NID1: variants seen among roughly 807,000 people sequenced by gnomAD.
NID1 encodes nidogen-1.
In NID1, 76 loss-of-function variants were observed where a neutral mutation model predicts 130.6. The observed-to-expected ratio is 0.58, with a 90% CI of 0.48 to 0.70. NID1 has a LOEUF of 0.70. Ranked by LOEUF, NID1 falls within the 30% of genes least tolerant of loss-of-function variation. The probability of loss-of-function intolerance (pLI) is 0.00; values close to 1 mark genes in which losing one functional copy is unlikely to be tolerated. For missense variants in NID1, 1,517 were observed against 1,664.8 expected, an observed-to-expected ratio of 0.91 and a Z score of 1.54; for synonymous variants, 665 against 675.1, an observed-to-expected ratio of 0.98 and a Z score of 0.23.
intron 12 of NID1, 54 bp downstream of exon 12, chr1:236,011,867 T>C: frequency 6.2e-7 from 1 of 1,603,912 alleles, no homozygotes; most frequent in Non-Finnish European, 8.5e-7. Flanking sequence ...CCATGTGCTC[T>C]GCATTCATGG....
At chr1:236,017,995 C>T (rs1276208076) in intron 9 of NID1, among the ~76,000 whole-genome samples, 2 of 152,158 alleles carry the variant, frequency 1.3e-5, no homozygotes, top group Non-Finnish European at 2.9e-5. Flanking sequence ...ATTACTTTCT[C>T]TGTTACTGTT....
At chr1:235,986,804 C>A (rs1331697584) in intron 14 of NID1, among the ~76,000 whole-genome samples, 1 of 152,192 alleles carries the variant, frequency 6.6e-6, no homozygotes, top group Non-Finnish European at 1.5e-5. Context: ...TAAACCATCA[C>A]AACCAAATGC....
chr1:235,991,125 A>G, intron 13 of NID1, 67 bp from the exon 14 acceptor site: 1 of 1,314,800 alleles, frequency 7.6e-7, no homozygotes, highest in Non-Finnish European at 1.0e-6. Flanking sequence ...GCACACACAC[A>G]CACCCCCACA....
intron 12 of NID1, among the ~76,000 whole-genome samples, chr1:236,010,663 T>C (rs1658384895): frequency 6.6e-6 from 1 of 152,240 alleles, no homozygotes; most frequent in South Asian, 2.1e-4. Context: ...ACTCGGCCTT[T>C]GTAACACGAA....
intron 12 of NID1, among the ~76,000 whole-genome samples, chr1:236,001,166 T>G (rs1021636180): frequency 6.7e-5 from 10 of 149,844 alleles, no homozygotes; most frequent in Admixed American, 2.0e-4. Flanking sequence ...AGTGAAGTGG[T>G]GCAATCTCAG....
intron 12 of NID1, among the ~76,000 whole-genome samples, chr1:235,994,894 A>C (rs947672949): frequency 1.3e-5 from 2 of 152,126 alleles, no homozygotes; most frequent in Non-Finnish European, 2.9e-5. Flanking sequence ...ACGGGGTTTC[A>C]CCATGTTGGC....
rs201947428 is a variant in NID1 at position 236,024,078 on chromosome 1, G to T, written c.2120C>A (p.Thr707Asn). The change falls in exon 9 of 20, where the codon ACC becomes AAC. Residue 707 changes from threonine (T) to asparagine (N), a missense_variant. This residue lies in a region of NID1 where 1,329 missense variants were observed against 1,429.2 expected (regional missense o/e 0.93). Coordinates refer to ENST00000264187, the MANE Select transcript of NID1 (RefSeq NM_002508.3). ...AGAATCAAAGGCTGTACCATAGCAG[G>T]TTCGCCCGTCTCCTCGGAAGCCGAT... ...CSIGFRGDGRTCYDIDECSEQ... is the reference protein window; with the variant it reads ...CSIGFRGDGRNCYDIDECSEQ... 21 of 1,614,026 alleles carry T rather than the reference G, an allele frequency of 1.3e-5. No individual in the cohort carries two copies. In the Admixed American group the frequency reaches 3.2e-4, roughly 24 times the overall value.
At chr1:236,047,733 A>C in intron 2 of NID1, among the ~76,000 whole-genome samples, 1 of 151,938 alleles carries the variant, frequency 6.6e-6, no homozygotes, top group East Asian at 1.9e-4. Context: ...TCTAGTCAGA[A>C]ACTATCCTTC....
At chr1:235,985,598 T>C (rs923879341) in intron 14 of NID1, 93 bp from the exon 15 acceptor site, 5 of 1,387,812 alleles carry the variant, frequency 3.6e-6, no homozygotes, top group African/African-American at 2.9e-5. Flanking sequence ...GGATATCTTT[T>C]GTAATGAAGT....
intron 1 of NID1, among the ~76,000 whole-genome samples, chr1:236,060,122 A>T (rs906913147): frequency 2.6e-5 from 4 of 151,488 alleles, no homozygotes; most frequent in African/African-American, 9.7e-5. Flanking sequence ...AAAAAAAAGA[A>T]TTGTTACTCC....
chr1:236,042,308 G>A lies in NID1; in HGVS notation c.753-16C>T. The A allele has an allele frequency of 6.3e-7, 1 of 1,592,700 alleles. No homozygotes were observed. Among genetic ancestry groups the A allele is most frequent in the Non-Finnish European group, 8.5e-7 (1 of 1,175,160 alleles). ...GTTACTACTCCTAGGAGGAAGGACA[G>A]GCTTCTTAGAAACAGGCCAGCAACC... On this transcript the variant is annotated splice_polypyrimidine_tract_variant and intron_variant, in intron 3 of 19. Coordinates refer to ENST00000264187, the MANE Select transcript of NID1 (RefSeq NM_002508.3).
intron 9 of NID1, among the ~76,000 whole-genome samples, chr1:236,018,288 T>G (rs766510453): frequency 1.3e-5 from 2 of 152,188 alleles, no homozygotes; most frequent in Non-Finnish European, 2.9e-5. Flanking sequence ...CAGTTCTCCC[T>G]TTGGTAAATA....
chr1:236,019,927 T>G (rs1390869760), intron 9 of NID1, among the ~76,000 whole-genome samples: 1 of 149,830 alleles, frequency 6.7e-6, no homozygotes, highest in East Asian at 2.0e-4. Flanking sequence ...ATTCCGGCAA[T>G]CCGGGAGGCT....
rs1486414493 is a variant in NID1, at chr1:235,985,369, G to A, written c.3055+10C>T. The A allele has an allele frequency of 1.2e-6, 2 of 1,613,744 alleles. No individual in the cohort carries two copies. Among genetic ancestry groups the A allele is most frequent in the South Asian group, 2.2e-5 (2 of 91,078 alleles). ...AAACCAAAAAGGAAAAATGATATTT[G>A]CTTACTTACCTTGTCTAATGATGGT... On this transcript the variant is annotated intron_variant, in intron 15 of 19. Coordinates refer to ENST00000264187, the MANE Select transcript of NID1 (RefSeq NM_002508.3).
At chr1:235,982,301 T>A (rs1309696879) in intron 15 of NID1, among the ~76,000 whole-genome samples, 1 of 152,104 alleles carries the variant, frequency 6.6e-6, no homozygotes, top group East Asian at 1.9e-4. Flanking sequence ...GATGTCATTG[T>A]ATGTGGCTGG....
At chr1:236,001,027 C>T (rs1449131126) in intron 12 of NID1, among the ~76,000 whole-genome samples, 2 of 152,142 alleles carry the variant, frequency 1.3e-5, no homozygotes, top group African/African-American at 2.4e-5. Flanking sequence ...GGGTTCTGAG[C>T]ATGCACCTCT....
intron 10 of NID1, among the ~76,000 whole-genome samples, chr1:236,015,781 T>C (rs953489671): frequency 3.3e-5 from 5 of 151,644 alleles, no homozygotes; most frequent in Admixed American, 3.3e-4. Context: ...AAACCAATGA[T>C]CCGGTCTAAT....
intron 12 of NID1, among the ~76,000 whole-genome samples, chr1:236,002,607 TAAGAC>T (rs977363356): frequency 4.6e-5 from 7 of 152,206 alleles, no homozygotes; most frequent in African/African-American, 1.4e-4. Context: ...TGAACGGACT[TAAGAC>T]AAGAGCTTTG....
chr1:236,009,379 GT>G (rs1658343073), intron 12 of NID1, among the ~76,000 whole-genome samples: 1 of 152,210 alleles, frequency 6.6e-6, no homozygotes, highest in Non-Finnish European at 1.5e-5. Context: ...TGAGAAACAA[GT>G]TTCTGTTGTT....
Sources: gnomAD v4.1 joint callset for allele counts (sites outside exome capture counted in the v4.1 genomes callset) on GRCh38, gnomAD v4.1.1 for gene constraint, gnomAD v4.1.1 regional missense constraint, MANE v1.5 for transcripts, NCBI Gene and HGNC (gene_info 2026-07-23, HGNC 2026-07-21) for gene names.